SYN2: variants seen among roughly 807,000 people sequenced by gnomAD.
SYN2 encodes the protein synapsin II.
In SYN2, 19 loss-of-function variants were observed where a neutral mutation model predicts 50.9. The ratio of observed to expected loss-of-function variants is 0.37; its 90% CI spans 0.26 to 0.55. The LOEUF is 0.55. Among genes scored for constraint, SYN2 ranks in the 20% least tolerant of loss-of-function variants. The pLI is 0.81. For missense variants in SYN2, 587 were observed against 576.4 expected, an observed-to-expected ratio of 1.02 and a Z score of -0.19; for synonymous variants, 255 against 224.9, an observed-to-expected ratio of 1.13 and a Z score of -1.20.
Position 12,168,358 on chromosome 3 carries a change from C to T in SYN2, c.1056-18C>T, listed in dbSNP as rs1000438114. 2 of 1,608,958 alleles carry T rather than the reference C, an allele frequency of 1.2e-6. No individual in the cohort carries two copies. The highest frequency in any genetic ancestry group is 8.5e-7 in the Non-Finnish European group (1 of 1,176,986). ...AGCGAATTGCCCCAGCTTCAGGACACCTTCCCATCACCTCCAGGTACAAAC... is the reference window on the plus strand; with the variant it reads ...AGCGAATTGCCCCAGCTTCAGGACATCTTCCCATCACCTCCAGGTACAAAC... On this transcript the variant is annotated intron_variant, in intron 8 of 12. Coordinates refer to ENST00000621198, the MANE Select transcript of SYN2 (RefSeq NM_133625.6).
At chr3:12,154,336 A>T in intron 5 of SYN2, 2 of 1,614,218 alleles carry the variant, frequency 1.2e-6, no homozygotes, top group Non-Finnish European at 1.7e-6. Context: ...CTTGGCAGCC[A>T]CAGTTCAGAT....
At chr3:12,076,483 A>T (rs1476482532) in intron 1 of SYN2, among the ~76,000 whole-genome samples, 1 of 152,010 alleles carries the variant, frequency 6.6e-6, no homozygotes, top group Non-Finnish European at 1.5e-5. Flanking sequence ...CAAGGGAATC[A>T]TACTAATAAT....
intron 1 of SYN2, among the ~76,000 whole-genome samples, chr3:12,005,759 AT>A (rs34905752): frequency 0.24 from 36,563 of 150,546 alleles, 6,680 homozygotes; most frequent in African/African-American, 0.51. Context: ...AACTTCAATA[AT>A]TTTTTTTTTC....
intron 1 of SYN2, among the ~76,000 whole-genome samples, chr3:12,013,529 T>G (rs923238436): frequency 3.9e-5 from 6 of 152,188 alleles, no homozygotes; most frequent in Non-Finnish European, 4.4e-5. Context: ...CTGCTGGACA[T>G]CTCCATCTGG....
At chr3:12,142,059 A>G (rs1357124649) in intron 3 of SYN2, 63 bp downstream of exon 3, 2 of 772,082 alleles carry the variant, frequency 2.6e-6, no homozygotes, top group Admixed American at 3.4e-5. Flanking sequence ...CTCTGGCCCA[A>G]AGAGGTGGTT....
At chr3:12,065,402 TTA>T (rs919484013) in intron 1 of SYN2, among the ~76,000 whole-genome samples, 8 of 152,114 alleles carry the variant, frequency 5.3e-5, no homozygotes, top group African/African-American at 1.4e-4. Context: ...ACACATGCAC[TTA>T]TATGTTTGTC....
At chr3:12,043,024 CTT>C (rs761348593) in intron 1 of SYN2, among the ~76,000 whole-genome samples, 8 of 145,488 alleles carry the variant, frequency 5.5e-5, no homozygotes, top group African/African-American at 1.3e-4. Flanking sequence ...TCTCTTTTCT[CTT>C]TTTTTTTTTT....
At chr3:12,086,042 G>A (rs1277464510) in intron 1 of SYN2, among the ~76,000 whole-genome samples, 1 of 152,032 alleles carries the variant, frequency 6.6e-6, no homozygotes, top group Non-Finnish European at 1.5e-5. Flanking sequence ...AATAAACCCA[G>A]AAATGGAAGA....
At chr3:12,026,328 C>T (rs1694256237) in intron 1 of SYN2, among the ~76,000 whole-genome samples, 3 of 152,006 alleles carry the variant, frequency 2.0e-5, no homozygotes, top group Middle Eastern at 3.2e-3. Flanking sequence ...TAGATGATCT[C>T]TACTAAGGGC....
At chr3:12,162,294 A>AG in intron 7 of SYN2, 140 bp downstream of exon 7, 1 of 1,038,688 alleles carries the variant, frequency 9.6e-7, no homozygotes, top group African/African-American at 1.6e-5. Flanking sequence ...AAGTCAGAGG[A>AG]GGGGTCTGTG....
At chr3:12,043,411 T>C (rs952650150) in intron 1 of SYN2, among the ~76,000 whole-genome samples, 91 of 152,242 alleles carry the variant, frequency 6.0e-4, no homozygotes, top group African/African-American at 2.1e-3. Flanking sequence ...GATACTAATC[T>C]AAAAGAGAAG....
At chr3:12,067,953 G>A (rs1695256535) in intron 1 of SYN2, among the ~76,000 whole-genome samples, 1 of 152,180 alleles carries the variant, frequency 6.6e-6, no homozygotes, top group South Asian at 2.1e-4. Flanking sequence ...AGCTACTTGG[G>A]AGGCTGAAGT....
chr3:12,082,624 A>G (rs953608458), intron 1 of SYN2, among the ~76,000 whole-genome samples: 9 of 152,354 alleles, frequency 5.9e-5, no homozygotes, highest in Middle Eastern at 6.8e-3. Flanking sequence ...AAAGGCATTT[A>G]CAAATAAATT....
At chr3:12,015,497 C>T (rs186282) in intron 1 of SYN2, among the ~76,000 whole-genome samples, 1 of 152,152 alleles carries the variant, frequency 6.6e-6, no homozygotes, top group African/African-American at 2.4e-5. Flanking sequence ...CGTTGGTTCC[C>T]TGTAAATATA....
intron 1 of SYN2, among the ~76,000 whole-genome samples, chr3:12,120,950 A>G (rs945895127): frequency 2.6e-5 from 4 of 152,162 alleles, no homozygotes; most frequent in African/African-American, 9.7e-5. Context: ...AACCTTGCGC[A>G]ATCCCCCTCT....
chr3:12,156,769 C>G, intron 5 of SYN2: 1 of 1,486,312 alleles, frequency 6.7e-7, no homozygotes, highest in Non-Finnish European at 9.4e-7. Flanking sequence ...CACTACCTCC[C>G]CTAGGGCAGA....
chr3:12,081,955 A>G (rs1451532515), intron 1 of SYN2, among the ~76,000 whole-genome samples: 1 of 152,184 alleles, frequency 6.6e-6, no homozygotes, highest in Non-Finnish European at 1.5e-5. Flanking sequence ...TGAAGGACCA[A>G]TGGGCGGAAA....
chr3:12,050,624 G>C (rs1490300783), intron 1 of SYN2, among the ~76,000 whole-genome samples: 2 of 150,580 alleles, frequency 1.3e-5, no homozygotes, highest in Non-Finnish European at 3.0e-5. Flanking sequence ...GATTACAGGC[G>C]TGAGCCACTT....
At chr3:12,116,206 C>A (rs966658098) in intron 1 of SYN2, among the ~76,000 whole-genome samples, 2 of 152,064 alleles carry the variant, frequency 1.3e-5, no homozygotes, top group Non-Finnish European at 2.9e-5. Context: ...TGAACTCCTG[C>A]AAAGGAAATG....
Sources: allele counts gnomAD v4.1 joint callset (sites outside exome capture counted in the v4.1 genomes callset), GRCh38; gene constraint gnomAD v4.1.1; transcripts MANE v1.5; gene names NCBI Gene and HGNC (gene_info 2026-07-23, HGNC 2026-07-21).